The following SLC24A2 variants were observed in gnomAD, a reference collection of about 807,000 sequenced individuals.
The protein encoded by SLC24A2 is sodium/potassium/calcium exchanger 2.
SLC24A2 carries 36 observed loss-of-function variants against 62.0 expected under a neutral mutation model. The observed-to-expected ratio is 0.58, with a 90% CI of 0.44 to 0.77. The LOEUF (loss-of-function observed/expected upper bound fraction) is 0.77, where lower values mean the gene tolerates loss of function less well. Among genes scored for constraint, SLC24A2 ranks in the 30% least tolerant of loss-of-function variants. The pLI is 0.00. For synonymous variants in SLC24A2, 358 were observed against 294.0 expected (o/e 1.22, Z -2.23); for missense variants, 846 against 817.9 (o/e 1.03, Z -0.42).
chr9:20,224,074 G>A, the SLC24A2 span, among the ~76,000 whole-genome samples: 32 of 151,962 alleles, frequency 2.1e-4, 1 homozygote, highest in Admixed American at 2.1e-3. Context: ...TGAGGAAACT[G>A]CCCTCATGAT....
the SLC24A2 span, among the ~76,000 whole-genome samples, chr9:19,965,740 G>T: frequency 2.0e-5 from 3 of 152,148 alleles, no homozygotes; most frequent in Admixed American, 1.3e-4. Context: ...CAAAAAGCAG[G>T]AATTTTAGCC....
the SLC24A2 span, among the ~76,000 whole-genome samples, chr9:19,829,769 G>A: frequency 9.5e-4 from 18 of 19,042 alleles, no homozygotes; most frequent in African/African-American, 1.8e-3. Flanking sequence ...ATATATATGT[G>A]TGTGTGTGTG....
chr9:20,041,782 G>T, the SLC24A2 span, among the ~76,000 whole-genome samples: 4 of 152,246 alleles, frequency 2.6e-5, no homozygotes, highest in African/African-American at 9.6e-5. Flanking sequence ...AGCCAGTCGG[G>T]GGTCTAAGAA....
At chr9:19,914,374 C>A in the SLC24A2 span, among the ~76,000 whole-genome samples, 2 of 151,936 alleles carry the variant, frequency 1.3e-5, no homozygotes, top group African/African-American at 4.8e-5. Flanking sequence ...AAAACCCATA[C>A]ACCTTATACA....
At chr9:20,079,330 G>GT in the SLC24A2 span, among the ~76,000 whole-genome samples, 1 of 152,140 alleles carries the variant, frequency 6.6e-6, no homozygotes, top group African/African-American at 2.4e-5. Flanking sequence ...AAATACTCTT[G>GT]TTAAAGTTGC....
chr9:19,552,473 G>T (rs1834891899), intron 7 of SLC24A2, among the ~76,000 whole-genome samples: 1 of 152,082 alleles, frequency 6.6e-6, no homozygotes, highest in Non-Finnish European at 1.5e-5. Flanking sequence ...GAGCCTTGGG[G>T]TACTGCATCA....
chr9:19,844,365 T>C, the SLC24A2 span, among the ~76,000 whole-genome samples: 1 of 152,120 alleles, frequency 6.6e-6, no homozygotes, highest in Non-Finnish European at 1.5e-5. Flanking sequence ...TTTAATGGGG[T>C]TGTTTTCTGC....
At chr9:19,650,025 A>T (rs1322684902) in intron 2 of SLC24A2, among the ~76,000 whole-genome samples, 1 of 152,236 alleles carries the variant, frequency 6.6e-6, no homozygotes, top group African/African-American at 2.4e-5. Flanking sequence ...AACTGGTGAC[A>T]TAACATACAC....
At chr9:20,236,635 T>G in the SLC24A2 span, among the ~76,000 whole-genome samples, 2 of 152,156 alleles carry the variant, frequency 1.3e-5, no homozygotes, top group African/African-American at 4.8e-5. Context: ...GACCAGCAAA[T>G]GCTGAATTTA....
the SLC24A2 span, among the ~76,000 whole-genome samples, chr9:19,823,892 G>C: frequency 6.6e-6 from 1 of 152,226 alleles, no homozygotes; most frequent in Non-Finnish European, 1.5e-5. Context: ...TCTGATCTTT[G>C]ACAAATGTGA....
chr9:19,974,135 C>G, the SLC24A2 span, among the ~76,000 whole-genome samples: 1 of 152,080 alleles, frequency 6.6e-6, no homozygotes, highest in Admixed American at 6.6e-5. Context: ...CTCCCTTATT[C>G]TACTTTACTT....
At chr9:19,597,969 C>T (rs1836743636) in intron 4 of SLC24A2, among the ~76,000 whole-genome samples, 1 of 152,080 alleles carries the variant, frequency 6.6e-6, no homozygotes, top group South Asian at 2.1e-4. Context: ...AGGGCAAGGA[C>T]CATCAGCTCC....
At chr9:19,659,815 C>T (rs1443309192) in intron 2 of SLC24A2, among the ~76,000 whole-genome samples, 1 of 152,078 alleles carries the variant, frequency 6.6e-6, no homozygotes, top group African/African-American at 2.4e-5. Context: ...AAGTGAAATC[C>T]AGGGCCCACA....
the SLC24A2 span, among the ~76,000 whole-genome samples, chr9:19,987,612 G>A: frequency 2.0e-5 from 3 of 152,144 alleles, no homozygotes; most frequent in Non-Finnish European, 2.9e-5. Flanking sequence ...GGTCTCCTGA[G>A]GAAATGTATC....
chr9:20,115,994 G>T, the SLC24A2 span, among the ~76,000 whole-genome samples: 1 of 152,092 alleles, frequency 6.6e-6, no homozygotes, highest in Admixed American at 6.6e-5. Context: ...GAAATCTTAA[G>T]CAGCATTAAA....
At chr9:20,284,485 T>G in the SLC24A2 span, among the ~76,000 whole-genome samples, 11 of 151,978 alleles carry the variant, frequency 7.2e-5, no homozygotes, top group African/African-American at 2.4e-4. Context: ...CTCTGAGATG[T>G]CATAGTTCAA....
the SLC24A2 span, among the ~76,000 whole-genome samples, chr9:20,161,718 G>C: frequency 6.7e-6 from 1 of 149,488 alleles, no homozygotes; most frequent in African/African-American, 2.5e-5. Flanking sequence ...CTTCAGTTTG[G>C]ATATTTAATT....
At chr9:20,263,220 TGGA>T in the SLC24A2 span, among the ~76,000 whole-genome samples, 5 of 152,102 alleles carry the variant, frequency 3.3e-5, no homozygotes, top group African/African-American at 1.2e-4. Context: ...AAGACCTGGA[TGGA>T]GGAGACAGAG....
chr9:19,787,906 C>T (rs935163934), intron 1 of SLC24A2, among the ~76,000 whole-genome samples: 17 of 152,190 alleles, frequency 1.1e-4, no homozygotes, highest in African/African-American at 4.1e-4. Context: ...AATAGCCCCA[C>T]CACTGACTTT....
Sources: allele counts gnomAD v4.1 joint callset (sites outside exome capture counted in the v4.1 genomes callset), GRCh38; gene constraint gnomAD v4.1.1; transcripts MANE v1.5; gene names NCBI Gene and HGNC (gene_info 2026-07-23, HGNC 2026-07-21).